Variants in CHD1L observed in about 807,000 individuals in gnomAD.
The protein encoded by CHD1L is chromodomain helicase DNA binding protein 1 like.
A neutral mutation model predicts 115.9 loss-of-function variants in CHD1L; 118 were observed. The observed-to-expected ratio is 1.02, with a 90% CI of 0.88 to 1.19. The LOEUF is 1.19. Ranked by LOEUF, CHD1L falls within the 50% of genes most tolerant of loss-of-function variation. The probability of loss-of-function intolerance (pLI) is 0.00; values close to 1 mark genes in which losing one functional copy is unlikely to be tolerated. For missense variants in CHD1L, 1,179 were observed against 1,065.3 expected, an observed-to-expected ratio of 1.11 and a Z score of -1.49; for synonymous variants, 411 against 387.1, an observed-to-expected ratio of 1.06 and a Z score of -0.72.
At chr1:147,276,843 T>TA (rs1274427395) in intron 14 of CHD1L, among the ~76,000 whole-genome samples, 13 of 152,182 alleles carry the variant, frequency 8.5e-5, no homozygotes, top group African/African-American at 2.9e-4. Context: ...TTAAAACTCA[T>TA]AATATTTCCT....
At chr1:147,259,959 C>T in intron 6 of CHD1L, 41 bp downstream of exon 6, 1 of 1,392,970 alleles carries the variant, frequency 7.2e-7, no homozygotes, top group Non-Finnish European at 1.0e-6. Flanking sequence ...ATAACCCCTT[C>T]TTTTTAAATA....
At chr1:147,284,223 C>T in intron 15 of CHD1L, 128 bp from the exon 16 acceptor site, 1 of 661,436 alleles carries the variant, frequency 1.5e-6, no homozygotes, top group Non-Finnish European at 2.5e-6. Flanking sequence ...AAATACCTTC[C>T]TTCATATGGA....
chr1:147,265,416 A>G (rs1553947319), intron 7 of CHD1L, among the ~76,000 whole-genome samples: 1 of 152,198 alleles, frequency 6.6e-6, no homozygotes, highest in Non-Finnish European at 1.5e-5. Flanking sequence ...CCATTTGCAT[A>G]TCTGGCAATC....
At chr1:147,242,623 G>T, upstream of CHD1L, 5 of 1,219,680 alleles carry the variant, frequency 4.1e-6, no homozygotes, top group Non-Finnish European at 5.1e-6. Flanking sequence ...GCCCCAGCGC[G>T]CAGTCGCGCG....
the CHD1L span, among the ~76,000 whole-genome samples, chr1:147,222,653 TGG>T: frequency 6.6e-6 from 1 of 151,668 alleles, no homozygotes; most frequent in Non-Finnish European, 1.5e-5. Context: ...TGTGGTCTGT[TGG>T]AACAGAAGTC....
At chr1:147,224,753 G>T in the CHD1L span, 3 of 704,964 alleles carry the variant, frequency 4.3e-6, no homozygotes, top group East Asian at 2.6e-5. Context: ...CTCGTGATCC[G>T]CCCGCCTCGG....
chr1:147,234,121 G>A, the CHD1L span, among the ~76,000 whole-genome samples: 10 of 152,078 alleles, frequency 6.6e-5, no homozygotes, highest in South Asian at 2.1e-4. Flanking sequence ...ATGCTAAACC[G>A]TCACAGCTGT....
At chr1:147,233,684 CG>C in the CHD1L span, among the ~76,000 whole-genome samples, 1 of 152,116 alleles carries the variant, frequency 6.6e-6, no homozygotes, top group Non-Finnish European at 1.5e-5. Context: ...ATTGAGAAAT[CG>C]GATGGTTGCC....
At chr1:147,186,415 G>C in the CHD1L span, 1 of 906,500 alleles carries the variant, frequency 1.1e-6, no homozygotes, top group East Asian at 1.2e-4. Context: ...ACTATTGTAG[G>C]AACATTATTT....
chr1:147,228,748 C>T, the CHD1L span, among the ~76,000 whole-genome samples: 1 of 152,220 alleles, frequency 6.6e-6, no homozygotes, highest in African/African-American at 2.4e-5. Flanking sequence ...ATTTGTATTT[C>T]TCTGGTGGCC....
chr1:147,178,849 C>G, the CHD1L span: 5 of 1,584,816 alleles, frequency 3.2e-6, no homozygotes, highest in Non-Finnish European at 4.3e-6. Flanking sequence ...TATCTGCCCT[C>G]ACATGACAGA....
At chr1:147,225,354 G>C in the CHD1L span, 2 of 312,592 alleles carry the variant, frequency 6.4e-6, no homozygotes, top group Non-Finnish European at 1.2e-5. Context: ...GGCGGCTGTT[G>C]TCAAATTACT....
chr1:147,273,509 C>T (rs984658977), intron 12 of CHD1L, among the ~76,000 whole-genome samples: 14 of 152,150 alleles, frequency 9.2e-5, no homozygotes, highest in African/African-American at 3.4e-4. Context: ...CTCACTCTTC[C>T]AAGATCATAG....
chr1:147,270,816 T>C, intron 10 of CHD1L, 116 bp from the exon 11 acceptor site: 15 of 811,982 alleles, frequency 1.8e-5, no homozygotes, highest in Admixed American at 1.4e-4. Context: ...ACGACACTTA[T>C]ATTTCTACTT....
intron 1 of CHD1L, among the ~76,000 whole-genome samples, chr1:147,245,599 C>T (rs782506666): frequency 6.6e-6 from 1 of 152,180 alleles, no homozygotes; most frequent in African/African-American, 2.4e-5. Flanking sequence ...TTCTGCCTAA[C>T]CTACCAAGGG....
At chr1:147,226,838 C>T in the CHD1L span, among the ~76,000 whole-genome samples, 1 of 148,946 alleles carries the variant, frequency 6.7e-6, no homozygotes, top group African/African-American at 2.5e-5. Flanking sequence ...AACTGTCGAA[C>T]TTTTTTTTTT....
chr1:147,295,533 G>T lies in CHD1L; in HGVS notation c.*24G>T. The stretch of plus-strand genomic sequence containing the variant: ...AAGAATTGGCCCAGCCTCAGATCCT[G>T]TCTTTAGCAACCAGCTAATATTTAC... On this transcript the variant is annotated 3_prime_UTR_variant, in exon 23 of 23. Transcript: ENST00000369258. 1 of 1,542,028 alleles carries T rather than the reference G, an allele frequency of 6.5e-7. No homozygotes were observed.
intron 1 of CHD1L, among the ~76,000 whole-genome samples, chr1:147,245,590 T>G (rs1230053831): frequency 6.6e-6 from 1 of 152,210 alleles, no homozygotes; most frequent in African/African-American, 2.4e-5. Context: ...TACATTCCTT[T>G]CTGCCTAACC....
intron 1 of CHD1L, among the ~76,000 whole-genome samples, chr1:147,248,080 T>A (rs1176411250): frequency 6.6e-6 from 1 of 152,212 alleles, no homozygotes; most frequent in Non-Finnish European, 1.5e-5. Flanking sequence ...GGCTTGGACA[T>A]CTTTGTGAGG....
Sources: gnomAD v4.1 joint callset for allele counts (sites outside exome capture counted in the v4.1 genomes callset) on GRCh38, gnomAD v4.1.1 for gene constraint, MANE v1.5 for transcripts, NCBI Gene and HGNC (gene_info 2026-07-23, HGNC 2026-07-21) for gene names.